Variants in LMO7 observed in about 807,000 individuals in gnomAD.
LMO7 encodes the protein LIM domain 7, also known as LIM domain only protein 7.
Under a neutral mutation model 206.5 loss-of-function variants are expected in LMO7, and 120 were observed. The ratio of observed to expected loss-of-function variants is 0.58; its 90% CI spans 0.50 to 0.68. LMO7 has a LOEUF of 0.68. Ranked by LOEUF, LMO7 falls within the 30% of genes least tolerant of loss-of-function variation. The pLI is 0.00. For synonymous variants in LMO7, 706 were observed against 681.5 expected (o/e 1.04, Z -0.56); for missense variants, 1,959 against 1,957.9 (o/e 1.00, Z -0.01).
At chr13:75,709,713 G>T (rs2042935084) in intron 1 of LMO7, among the ~76,000 whole-genome samples, 3 of 152,138 alleles carry the variant, frequency 2.0e-5, no homozygotes, top group Non-Finnish European at 4.4e-5. Flanking sequence ...TTTGTCAGAT[G>T]AGTAAGTTGC....
chr13:75,777,731 C>T (rs1184682387), intron 4 of LMO7, among the ~76,000 whole-genome samples: 9 of 150,962 alleles, frequency 6.0e-5, no homozygotes, highest in African/African-American at 9.7e-5. Flanking sequence ...CTGCAAGCTC[C>T]GCCTCCCGGG....
At chr13:75,776,998 A>G (rs1025790452) in intron 4 of LMO7, among the ~76,000 whole-genome samples, 2 of 152,216 alleles carry the variant, frequency 1.3e-5, no homozygotes, top group East Asian at 3.8e-4. Flanking sequence ...TGCATGTGAG[A>G]AAAGTGTCCC....
At chr13:75,666,171 TA>T (rs1465986712) in intron 1 of LMO7, among the ~76,000 whole-genome samples, 1 of 152,224 alleles carries the variant, frequency 6.6e-6, no homozygotes, top group African/African-American at 2.4e-5. Context: ...AAATACTTTT[TA>T]AAAGTTAGCA....
chr13:75,654,805 T>C (rs947205442), intron 1 of LMO7, among the ~76,000 whole-genome samples: 5 of 152,172 alleles, frequency 3.3e-5, no homozygotes, highest in Non-Finnish European at 5.9e-5. Flanking sequence ...TGTTTACTTA[T>C]ACTTATTTTT....
chr13:75,711,751 C>G (rs565633106), intron 1 of LMO7, among the ~76,000 whole-genome samples: 1 of 152,328 alleles, frequency 6.6e-6, no homozygotes, highest in East Asian at 1.9e-4. Context: ...CATCTTGGCT[C>G]CACCCCCTAC....
chr13:75,627,368 A>G lies in LMO7; in HGVS notation c.225+4048A>G, dbSNP rs538609070. On this transcript the variant is annotated intron_variant, in intron 2 of 29. Coordinates refer to the LMO7 transcript ENST00000341547. ...TTTAAGGAGGCTAGACTAAGCTATA[A>G]TGTTTGGTAGGTTAAATACTTAACA... The G allele has an allele frequency of 2.0e-5, 3 of 152,336 alleles. No individual in the cohort carries two copies. In the South Asian group the frequency reaches 6.2e-4, roughly 32 times the overall value. 9.4% of individuals were successfully genotyped at this position (152,336 alleles called of 1,614,324 possible).
At chr13:75,744,460 GTAAT>G (rs2046669956) in intron 3 of LMO7, among the ~76,000 whole-genome samples, 1 of 152,110 alleles carries the variant, frequency 6.6e-6, no homozygotes. Flanking sequence ...AAGCAACACT[GTAAT>G]TAACTTGTAG....
chr13:75,838,416 T>C, intron 20 of LMO7: 1 of 992,018 alleles, frequency 1.0e-6, no homozygotes, highest in Non-Finnish European at 1.4e-6. Context: ...GTCCTTTGTA[T>C]ACCTCTAAAC....
Position 75,823,654 on chromosome 13 carries a change from C to T in LMO7, c.2730C>T (p.Asp910=), listed in dbSNP as rs377226161. 5.6e-5 allele frequency: 91 copies of T among 1,613,972 alleles called. No homozygotes were observed. The highest frequency in any genetic ancestry group is 1.6e-4 in the Middle Eastern group (1 of 6,084). Residue 910 remains aspartate, a synonymous_variant, in exon 15 of 31, where the codon GAC becomes GAT. Coordinates refer to ENST00000377534, the MANE Select transcript of LMO7 (RefSeq NM_001306080.2). The part of the protein sequence containing the change: ...NVVSTPAPSP[D]ASQLASSLSS... Reference sequence around the variant, plus strand: ...TCAGCACCCCTGCACCAAGCCCGGACGCAAGCCAACTGGCTTCAAGCTTAT... The same window carrying T: ...TCAGCACCCCTGCACCAAGCCCGGATGCAAGCCAACTGGCTTCAAGCTTAT...
intron 3 of LMO7, among the ~76,000 whole-genome samples, chr13:75,734,431 A>G (rs941508780): frequency 1.7e-4 from 26 of 152,172 alleles, no homozygotes; most frequent in Non-Finnish European, 2.6e-4. Flanking sequence ...TAGAATGTAA[A>G]CAGAAACCTT....
At position 75,691,602 on chromosome 13, in the gene LMO7, C is replaced by T. The variant is rs77529528; in HGVS notation, c.70-21580C>T. 5.3e-3 allele frequency among the ~76,000 whole-genome samples: 814 copies of T among 152,182 alleles called. 8 individuals carry two copies. Among genetic ancestry groups the T allele is most frequent in the African/African-American group, 0.019 (776 of 41,514 alleles). On this transcript the variant is annotated intron_variant, in intron 1 of 30. Coordinates refer to ENST00000377534, the MANE Select transcript of LMO7 (RefSeq NM_001306080.2). ...ACACTCCAGTGTTGATCTCTTTCTT[C>T]GGGCTTTGAAACCCAGTCCTCTCTT...
intron 1 of LMO7, among the ~76,000 whole-genome samples, chr13:75,642,977 A>G (rs2036690125): frequency 6.6e-6 from 1 of 152,236 alleles, no homozygotes; most frequent in South Asian, 2.1e-4. Context: ...CAATGAAGTC[A>G]CAATTGGCCC....
At chr13:75,737,636 C>G (rs1370459846) in intron 3 of LMO7, among the ~76,000 whole-genome samples, 6 of 144,864 alleles carry the variant, frequency 4.1e-5, no homozygotes, top group Non-Finnish European at 6.1e-5. Flanking sequence ...GCCTGTAGTC[C>G]CAGCTACTCG....
In LMO7 at chr13:75,636,732, T is replaced by G. The variant is rs953472710; in HGVS notation, c.69+6T>G. On this transcript the variant is annotated splice_donor_region_variant and intron_variant, in intron 1 of 30. Coordinates refer to ENST00000377534, the MANE Select transcript of LMO7 (RefSeq NM_001306080.2). ...AGGCTCAGAGATGGGTGGAGGTGAG[T>G]GCCTTTCACTGCTTTCCCTTCCGCA... 1.9e-6 allele frequency: 3 copies of G among 1,601,736 alleles called. No individual in the cohort carries two copies. Among genetic ancestry groups the G allele is most frequent in the African/African-American group, 2.7e-5 (2 of 74,718 alleles).
intron 1 of LMO7, among the ~76,000 whole-genome samples, chr13:75,705,393 G>A (rs1033756528): frequency 3.3e-5 from 5 of 152,206 alleles, no homozygotes; most frequent in Admixed American, 6.5e-5. Context: ...ATTCTCTCCT[G>A]ATGTGTATCT....
At chr13:75,730,306 T>G (rs1482383381) in intron 3 of LMO7, among the ~76,000 whole-genome samples, 2 of 152,210 alleles carry the variant, frequency 1.3e-5, no homozygotes, top group Admixed American at 6.5e-5. Flanking sequence ...CAACTTCAGA[T>G]CCTGTTATTG....
chr13:75,795,506 A>G (rs1193413968), intron 5 of LMO7, 75 bp downstream of exon 5: 11 of 977,458 alleles, frequency 1.1e-5, no homozygotes, highest in African/African-American at 1.6e-5. Context: ...CAGTGAATCT[A>G]AAAGTATACT....
At chr13:75,769,053 G>A (rs953087285) in intron 4 of LMO7, among the ~76,000 whole-genome samples, 11 of 152,068 alleles carry the variant, frequency 7.2e-5, no homozygotes, top group African/African-American at 2.7e-4. Context: ...ACAATGAAAT[G>A]TCAAGAAACT....
intron 1 of LMO7, among the ~76,000 whole-genome samples, chr13:75,643,627 G>A (rs1304773062): frequency 6.6e-6 from 1 of 152,156 alleles, no homozygotes; most frequent in Non-Finnish European, 1.5e-5. Context: ...GTTTCAGAAG[G>A]TATTAAATAA....
Sources: allele counts gnomAD v4.1 joint callset (sites outside exome capture counted in the v4.1 genomes callset), GRCh38; gene constraint gnomAD v4.1.1; transcripts MANE v1.5; gene names NCBI Gene and HGNC (gene_info 2026-07-23, HGNC 2026-07-21).